Variants in TIAM1 observed in about 807,000 individuals in gnomAD.
The protein encoded by TIAM1 is TIAM Rac1 associated GEF 1.
TIAM1 carries 65 observed loss-of-function variants against 163.5 expected under a neutral mutation model. The ratio of observed to expected loss-of-function variants is 0.40; its 90% CI spans 0.33 to 0.49. TIAM1 has a LOEUF of 0.49. Ranked by LOEUF, TIAM1 falls within the 20% of genes least tolerant of loss-of-function variation. TIAM1 has a pLI of 0.77. For synonymous variants in TIAM1, 833 were observed against 810.1 expected, an observed-to-expected ratio of 1.03 and a Z score of -0.48; for missense variants, 1,789 against 2,044.7, an observed-to-expected ratio of 0.87 and a Z score of 2.41.
Position 31,245,657 on chromosome 21 carries a change from C to T in TIAM1, c.1415G>A (p.Cys472Tyr). The change falls in exon 6 of 28, where the codon TGC becomes TAC. Residue 472 changes from cysteine to tyrosine, a missense_variant. Coordinates refer to ENST00000541036, the MANE Select transcript of TIAM1 (RefSeq NM_001353694.2). ...WKHYWVSLKG[C>Y]TLFFYESDGR... ...GTCGCTCTCGTAGAAAAATAGCGTGCATCCTGAGGAAACAGAACAGGGGTG... is the reference window on the plus strand; with the variant it reads ...GTCGCTCTCGTAGAAAAATAGCGTGTATCCTGAGGAAACAGAACAGGGGTG... The T allele has an allele frequency of 1.3e-6, 2 of 1,570,772 alleles. No individual in the cohort carries two copies. Among genetic ancestry groups the T allele is most frequent in the Non-Finnish European group, 8.6e-7 (1 of 1,158,934 alleles).
intron 1 of TIAM1, among the ~76,000 whole-genome samples, chr21:31,553,534 A>G (rs986464229): frequency 2.0e-5 from 3 of 152,192 alleles, no homozygotes; most frequent in Non-Finnish European, 4.4e-5. Context: ...GAACGAGCTC[A>G]TGAGACCCTC....
chr21:31,507,028 G>A (rs796896466), intron 1 of TIAM1, among the ~76,000 whole-genome samples: 2 of 152,024 alleles, frequency 1.3e-5, no homozygotes, highest in African/African-American at 4.8e-5. Flanking sequence ...TCCTCTTTTG[G>A]CTATTGTGAA....
chr21:31,535,908 T>C (rs1482587599), intron 1 of TIAM1, among the ~76,000 whole-genome samples: 1 of 152,118 alleles, frequency 6.6e-6, no homozygotes, highest in Non-Finnish European at 1.5e-5. Context: ...GGGACAGGGA[T>C]GACAAAACAC....
intron 2 of TIAM1, among the ~76,000 whole-genome samples, chr21:31,380,528 A>C (rs1270638731): frequency 6.6e-6 from 1 of 152,126 alleles, no homozygotes; most frequent in Non-Finnish European, 1.5e-5. Context: ...GGGCAACAAG[A>C]GCGAAATTCC....
intron 2 of TIAM1, among the ~76,000 whole-genome samples, chr21:31,335,047 G>A (rs2147076921): frequency 1.3e-5 from 2 of 152,244 alleles, no homozygotes; most frequent in Middle Eastern, 3.4e-3. Flanking sequence ...GACAGGCCAG[G>A]GAAGCCTCCA....
intron 2 of TIAM1, among the ~76,000 whole-genome samples, chr21:31,402,599 C>G (rs1202544569): frequency 6.6e-6 from 1 of 152,044 alleles, no homozygotes; most frequent in African/African-American, 2.4e-5. Context: ...TTCATCATAA[C>G]CAAAAGATCC....
intron 4 of TIAM1, among the ~76,000 whole-genome samples, chr21:31,257,139 T>TACTATGTG (rs2072159412): frequency 6.6e-6 from 1 of 152,242 alleles, no homozygotes; most frequent in Non-Finnish European, 1.5e-5. Context: ...AATTAGTAAC[T>TACTATGTG]ACTGGTCACT....
intron 2 of TIAM1, among the ~76,000 whole-genome samples, chr21:31,311,438 A>C (rs1442528198): frequency 6.6e-6 from 1 of 152,210 alleles, no homozygotes; most frequent in Non-Finnish European, 1.5e-5. Flanking sequence ...GCCCAAACAG[A>C]ATGGAAGGTG....
intron 2 of TIAM1, among the ~76,000 whole-genome samples, chr21:31,308,298 G>C (rs1048590357): frequency 6.6e-6 from 1 of 152,026 alleles, no homozygotes; most frequent in Non-Finnish European, 1.5e-5. Context: ...CATGACCTTA[G>C]GCAAGGTAGG....
intron 2 of TIAM1, among the ~76,000 whole-genome samples, chr21:31,448,905 C>A (rs1201446268): frequency 1.3e-5 from 2 of 152,174 alleles, no homozygotes; most frequent in Non-Finnish European, 2.9e-5. Flanking sequence ...TTGACCTCTC[C>A]CAACCTCAGT....
At chr21:31,344,995 A>G (rs865949720), upstream of TIAM1, among the ~76,000 whole-genome samples, 4 of 152,240 alleles carry the variant, frequency 2.6e-5, no homozygotes, top group Non-Finnish European at 5.9e-5. Context: ...CCAGAAAGCC[A>G]TGCAATGAAC....
intron 1 of TIAM1, among the ~76,000 whole-genome samples, chr21:31,501,152 G>A (rs533729383): frequency 1.3e-4 from 20 of 152,130 alleles, no homozygotes; most frequent in Non-Finnish European, 2.5e-4. Flanking sequence ...ATTCCCCCAA[G>A]GGATAAAGAT....
chr21:31,380,406 G>C (rs909410054), intron 2 of TIAM1, among the ~76,000 whole-genome samples: 3 of 152,162 alleles, frequency 2.0e-5, no homozygotes. Context: ...AGCTGGGTGT[G>C]GTGGCACATG....
At chr21:31,308,469 T>C (rs1234798482) in intron 2 of TIAM1, among the ~76,000 whole-genome samples, 3 of 150,778 alleles carry the variant, frequency 2.0e-5, no homozygotes, top group South Asian at 4.1e-4. Flanking sequence ...ATATGGTTTA[T>C]ATTATATATT....
chr21:31,485,765 C>T (rs1438849439), intron 1 of TIAM1, among the ~76,000 whole-genome samples: 1 of 152,114 alleles, frequency 6.6e-6, no homozygotes, highest in Non-Finnish European at 1.5e-5. Context: ...GTGCCAACCA[C>T]GGCCAGATAC....
intron 2 of TIAM1, among the ~76,000 whole-genome samples, chr21:31,392,811 C>T (rs2076990913): frequency 6.6e-6 from 1 of 151,984 alleles, no homozygotes; most frequent in South Asian, 2.1e-4. Flanking sequence ...CTGGCACCGC[C>T]TACTCTCTCT....
At chr21:31,205,895 G>A (rs1251783758) in intron 11 of TIAM1, among the ~76,000 whole-genome samples, 1 of 152,144 alleles carries the variant, frequency 6.6e-6, no homozygotes, top group African/African-American at 2.4e-5. Context: ...TTGAGCCTGG[G>A]AGGGCAAGGC....
chr21:31,479,303 TA>T, intron 1 of TIAM1, among the ~76,000 whole-genome samples: 1 of 152,320 alleles, frequency 6.6e-6, no homozygotes, highest in Admixed American at 6.5e-5. Context: ...AAAAAAACTC[TA>T]AAATCTGCAA....
At chr21:31,210,568 A>AAGAG (rs2086683546) in intron 10 of TIAM1, among the ~76,000 whole-genome samples, 2 of 119,926 alleles carry the variant, frequency 1.7e-5, no homozygotes, top group Non-Finnish European at 3.2e-5. Flanking sequence ...GAAAGAAAGA[A>AAGAG]AGAAAGAAAG....
Sources: allele counts gnomAD v4.1 joint callset (sites outside exome capture counted in the v4.1 genomes callset), GRCh38; gene constraint gnomAD v4.1.1; transcripts MANE v1.5; gene names NCBI Gene and HGNC (gene_info 2026-07-23, HGNC 2026-07-21).